Variants in AMOTL1 observed in about 807,000 individuals in gnomAD.
AMOTL1 encodes angiomotin like 1, also known as angiomotin-like protein 1.
Under a neutral mutation model 102.9 loss-of-function variants are expected in AMOTL1, and 45 were observed. The ratio of observed to expected loss-of-function variants is 0.44; its 90% CI spans 0.34 to 0.56. AMOTL1 has a LOEUF of 0.56. Among genes scored for constraint, AMOTL1 ranks in the 20% least tolerant of loss-of-function variants. The pLI is 0.01. For synonymous variants in AMOTL1, 481 were observed against 484.7 expected, an observed-to-expected ratio of 0.99 and a Z score of 0.10; for missense variants, 1,114 against 1,225.6, an observed-to-expected ratio of 0.91 and a Z score of 1.36.
chr11:94,841,424 C>A (rs937246029), intron 6 of AMOTL1, among the ~76,000 whole-genome samples: 2 of 152,122 alleles, frequency 1.3e-5, no homozygotes, highest in Non-Finnish European at 2.9e-5. Flanking sequence ...TGCACTCCAG[C>A]CTGGGCCACA....
At chr11:94,744,667 T>C (rs1390131671) in intron 3 of AMOTL1, among the ~76,000 whole-genome samples, 1 of 152,204 alleles carries the variant, frequency 6.6e-6, no homozygotes, top group Non-Finnish European at 1.5e-5. Flanking sequence ...AATGTATATC[T>C]GTAAGCACTA....
chr11:94,861,383 C>T (rs1013275324), intron 9 of AMOTL1, among the ~76,000 whole-genome samples: 2 of 152,090 alleles, frequency 1.3e-5, no homozygotes, highest in African/African-American at 2.4e-5. Flanking sequence ...CTCTCTATTC[C>T]GAGGAAGAGA....
chr11:94,848,609 C>T (rs1433642096), intron 6 of AMOTL1, among the ~76,000 whole-genome samples: 1 of 152,210 alleles, frequency 6.6e-6, no homozygotes, highest in Non-Finnish European at 1.5e-5. Context: ...GGCCCTGTCT[C>T]TGTCCCCACT....
intron 3 of AMOTL1, among the ~76,000 whole-genome samples, chr11:94,748,874 C>G (rs1358519548): frequency 6.6e-6 from 1 of 152,170 alleles, no homozygotes; most frequent in Non-Finnish European, 1.5e-5. Flanking sequence ...TCCCATCAAG[C>G]TGTGGGACAA....
At chr11:94,831,574 T>C in intron 6 of AMOTL1, 33 bp downstream of exon 6, 1 of 1,582,002 alleles carries the variant, frequency 6.3e-7, no homozygotes, top group Non-Finnish European at 8.6e-7. Flanking sequence ...TCCCAAAGTT[T>C]GTTTGTTTAA....
chr11:94,813,346 A>G (rs922428851), intron 3 of AMOTL1, among the ~76,000 whole-genome samples: 4 of 152,206 alleles, frequency 2.6e-5, no homozygotes, highest in South Asian at 4.1e-4. Flanking sequence ...AAGACACTCC[A>G]TCTGGGCTCA....
chr11:94,734,724 C>T (rs887110116), intron 2 of AMOTL1, among the ~76,000 whole-genome samples: 1 of 152,046 alleles, frequency 6.6e-6, no homozygotes, highest in African/African-American at 2.4e-5. Flanking sequence ...TAGCAGAGGG[C>T]CTCCAGGAGA....
intron 1 of AMOTL1, 66 bp downstream of exon 1, chr11:94,768,626 G>GCCCCGGGCT: frequency 2.6e-6 from 4 of 1,552,710 alleles, no homozygotes; most frequent in Non-Finnish European, 3.5e-6. Context: ...GAACCCAGTC[G>GCCCCGGGCT]CCCCGGGCTC....
In AMOTL1 at chr11:94,869,401, C is replaced by T. The variant is rs201698567; in HGVS notation, c.2692C>T (p.Arg898Trp). The change falls in exon 12 of 13, where the codon CGG (arginine) becomes TGG (tryptophan). Residue 898 changes from arginine (R) to tryptophan (W), a missense_variant. Physicochemically the swap from Arg to Trp is moderately radical, Grantham distance 101. Coordinates refer to ENST00000433060, the MANE Select transcript of AMOTL1 (RefSeq NM_130847.3). ...PSMASLPSRG[R>W]LSTTPAHSPV... The stretch of plus-strand genomic sequence containing the variant: ...CATGGCCTCCCTTCCCAGCCGCGGC[C>T]GGCTGAGCACGACCCCTGCTCACAG... 31 of 1,604,702 alleles carry T rather than the reference C, an allele frequency of 1.9e-5. No homozygotes were observed. The highest frequency in any genetic ancestry group is 1.9e-4 in the Admixed American group (11 of 58,764).
chr11:94,761,292 G>T (rs1352912681), intron 3 of AMOTL1, among the ~76,000 whole-genome samples: 1 of 151,188 alleles, frequency 6.6e-6, no homozygotes, highest in Non-Finnish European at 1.5e-5. Context: ...AGGTTTAAGT[G>T]ATTTTCCTGC....
intron 3 of AMOTL1, 105 bp from the exon 4 acceptor site, chr11:94,821,425 G>A: frequency 1.6e-6 from 2 of 1,216,562 alleles, no homozygotes; most frequent in Non-Finnish European, 2.3e-6. Flanking sequence ...GTGCACTGAT[G>A]GCCTCTGACC....
chr11:94,724,059 C>T (rs182449077), intron 1 of AMOTL1, among the ~76,000 whole-genome samples: 2 of 152,230 alleles, frequency 1.3e-5, no homozygotes. Flanking sequence ...GACCTAGATC[C>T]TAGATGACGG....
At chr11:94,786,717 C>CT (rs1951195125) in intron 1 of AMOTL1, among the ~76,000 whole-genome samples, 1 of 152,130 alleles carries the variant, frequency 6.6e-6, no homozygotes, top group African/African-American at 2.4e-5. Flanking sequence ...GTGGCTTTCT[C>CT]TTTTTCCCCG....
At chr11:94,766,002 T>C (rs1428183419), upstream of AMOTL1, among the ~76,000 whole-genome samples, 2 of 152,228 alleles carry the variant, frequency 1.3e-5, no homozygotes, top group Non-Finnish European at 2.9e-5. Flanking sequence ...ATTGGTCTAA[T>C]GATCCATTCT....
chr11:94,846,343 T>A (rs1952410760), intron 6 of AMOTL1, among the ~76,000 whole-genome samples: 1 of 152,180 alleles, frequency 6.6e-6, no homozygotes, highest in Non-Finnish European at 1.5e-5. Context: ...TTATCATGCT[T>A]CCTGTAACAA....
At chr11:94,767,948 C>T (rs1950875681), upstream of AMOTL1, among the ~76,000 whole-genome samples, 1 of 152,100 alleles carries the variant, frequency 6.6e-6, no homozygotes, top group African/African-American at 2.4e-5. Flanking sequence ...AAAGTGTGGC[C>T]ACTTTCTACC....
Position 94,768,396 on chromosome 11 carries a change from T to G in AMOTL1, c.-116T>G. On this transcript the variant is annotated 5_prime_UTR_variant, in exon 1 of 13. Transcript: ENST00000433060. ...CTAGGACCCAGCAGCGGTTGTCGGGTTTGGGGCTGGAGGTGAAGCCCTGTG... is the reference window on the plus strand; with the variant it reads ...CTAGGACCCAGCAGCGGTTGTCGGGGTTGGGGCTGGAGGTGAAGCCCTGTG... The G allele has an allele frequency of 6.6e-7, 1 of 1,505,704 alleles. No individual in the cohort carries two copies. Among genetic ancestry groups the G allele is most frequent in the Non-Finnish European group, 8.9e-7 (1 of 1,126,558 alleles). The allele number at this position is 1,505,704 out of a possible 1,614,324, so 93.3% of individuals were successfully genotyped here. A position where few individuals can be genotyped will look rare whatever the true frequency, so the allele number is the denominator to read the frequency against.
intron 3 of AMOTL1, among the ~76,000 whole-genome samples, chr11:94,747,492 G>C (rs1950603255): frequency 1.3e-5 from 2 of 152,010 alleles, no homozygotes; most frequent in African/African-American, 4.8e-5. Context: ...ATGTATGCTG[G>C]GTCTTATTAG....
intron 4 of AMOTL1, among the ~76,000 whole-genome samples, chr11:94,823,442 T>C (rs1458644865): frequency 6.6e-6 from 1 of 152,148 alleles, no homozygotes; most frequent in Non-Finnish European, 1.5e-5. Flanking sequence ...TATAAGATGC[T>C]GCACAGGCCC....
Sources: allele counts gnomAD v4.1 joint callset (sites outside exome capture counted in the v4.1 genomes callset), GRCh38; gene constraint gnomAD v4.1.1; transcripts MANE v1.5; gene names NCBI Gene and HGNC (gene_info 2026-07-23, HGNC 2026-07-21).